The following CFAP20DC variants were observed in gnomAD, a reference collection of about 807,000 sequenced individuals.
CFAP20DC encodes the protein CFAP20 domain containing.
Under a neutral mutation model 101.7 loss-of-function variants are expected in CFAP20DC, and 84 were observed. That is an observed-to-expected ratio of 0.83 (90% CI 0.69 to 0.99). The LOEUF is 0.99. Ranked by LOEUF, CFAP20DC falls within the 50% of genes least tolerant of loss-of-function variation. The probability of loss-of-function intolerance (pLI) is 0.00; values close to 1 mark genes in which losing one functional copy is unlikely to be tolerated. For synonymous variants in CFAP20DC, 359 were observed against 351.2 expected (o/e 1.02, Z -0.25); for missense variants, 1,007 against 970.3 (o/e 1.04, Z -0.50).
chr3:58,898,094 C>T (rs1292345971), intron 6 of CFAP20DC, among the ~76,000 whole-genome samples: 1 of 151,472 alleles, frequency 6.6e-6, no homozygotes, highest in African/African-American at 2.4e-5. Flanking sequence ...TCCCTCTATT[C>T]TTGTCTGCCT....
chr3:58,782,311 C>T (rs2071905763), intron 15 of CFAP20DC, among the ~76,000 whole-genome samples: 2 of 151,930 alleles, frequency 1.3e-5, no homozygotes, highest in African/African-American at 4.8e-5. Context: ...ATATGACACA[C>T]CCAGAGCTAA....
chr3:58,879,005 C>T (rs2081010360), intron 7 of CFAP20DC, among the ~76,000 whole-genome samples: 4 of 149,584 alleles, frequency 2.7e-5, no homozygotes, highest in African/African-American at 9.9e-5. Flanking sequence ...GAGACTTCGT[C>T]TCCGAAAAAA....
rs1335585239 is a variant in CFAP20DC, at chr3:58,863,619, C to T, written c.1532G>A (p.Ser511Asn). The T allele has an allele frequency of 1.2e-6, 2 of 1,614,090 alleles. No individual in the cohort carries two copies. The change falls in exon 12 of 17, where the codon AGT becomes AAT. Residue 511 changes from serine to asparagine, a missense_variant. By Grantham distance (46) the Ser-to-Asn change is conservative. Transcript: ENST00000482387. This position sits in a 1 kb window ranked among gnomAD's most constrained non-coding sequence, Gnocchi z 5.9. ...SFILDLKEDN[S>N]VTSRDTQSED... Reference sequence around the variant, plus strand: ...TGATTGGGTGTCTCTGCTTGTCACACTGTTATCCTCTTTTAGATCCAAAAT... The same window carrying T: ...TGATTGGGTGTCTCTGCTTGTCACATTGTTATCCTCTTTTAGATCCAAAAT...
At chr3:58,940,479 T>C (rs1036874314) in intron 4 of CFAP20DC, among the ~76,000 whole-genome samples, 10 of 152,236 alleles carry the variant, frequency 6.6e-5, no homozygotes, top group African/African-American at 2.4e-4. Context: ...GTTGGAGTTC[T>C]TTTCTTTCTG....
In CFAP20DC at chr3:58,931,100, C is replaced by T. The variant is rs559974612; in HGVS notation, c.393+6548G>A. Reference sequence around the variant, plus strand: ...CGCTTTTCCGATGGGGCTTAAAAAACGGCGCACCAGGAGATTATATCACAC... The same window carrying T: ...CGCTTTTCCGATGGGGCTTAAAAAATGGCGCACCAGGAGATTATATCACAC... On this transcript the variant is annotated intron_variant, in intron 5 of 16. Coordinates refer to ENST00000482387, the MANE Select transcript of CFAP20DC (RefSeq NM_001394063.1). 7.2e-3 allele frequency among the ~76,000 whole-genome samples: 1,098 copies of T among 152,154 alleles called. 17 individuals are homozygous for T. Among genetic ancestry groups the T allele is most frequent in the African/African-American group, 0.024 (1,006 of 41,450 alleles).
chr3:58,840,916 G>A (rs1055404166), intron 13 of CFAP20DC, among the ~76,000 whole-genome samples: 1 of 152,244 alleles, frequency 6.6e-6, no homozygotes, highest in Non-Finnish European at 1.5e-5. Flanking sequence ...AAAGAACAAA[G>A]CCAGGACTCA....
intron 13 of CFAP20DC, 24 bp from the exon 14 acceptor site, chr3:58,831,913 CA>C: frequency 1.2e-6 from 2 of 1,605,412 alleles, no homozygotes; most frequent in South Asian, 2.2e-5. Context: ...AGGAAAATAA[CA>C]AAGGGTCATT....
rs1316289220 is a variant in CFAP20DC at position 58,866,623 on chromosome 3, G to A, written c.1201C>T (p.Gln401Ter). Reference protein sequence around the residue: ...ASTILTTVSQQGAELLNSGTL... With the variant: ...ASTILTTVSQ ...CCGGAGTTCAACAGCTCTGCTCCTTGTTGGGACACAGTGGTGAGGATAGTT... is the reference window on the plus strand; with the variant it reads ...CCGGAGTTCAACAGCTCTGCTCCTTATTGGGACACAGTGGTGAGGATAGTT... The change falls in exon 11 of 17, where the codon CAA becomes TAA. Residue 401 changes from glutamine to a stop codon, truncating the protein, a stop_gained. Transcript: ENST00000482387. LOFTEE classifies it high-confidence loss of function. The A allele has an allele frequency of 6.2e-7, 1 of 1,610,492 alleles. No homozygotes were observed. Among genetic ancestry groups the A allele is most frequent in the African/African-American group, 1.3e-5 (1 of 74,820 alleles).
At chr3:58,902,063 TC>T (rs1179049335) in intron 6 of CFAP20DC, among the ~76,000 whole-genome samples, 1 of 152,226 alleles carries the variant, frequency 6.6e-6, no homozygotes, top group Non-Finnish European at 1.5e-5. Flanking sequence ...TTTTGGAGGT[TC>T]CTCCACATTG....
At chr3:58,948,100 T>C (rs936078791) in intron 4 of CFAP20DC, among the ~76,000 whole-genome samples, 3 of 152,184 alleles carry the variant, frequency 2.0e-5, no homozygotes, top group African/African-American at 7.2e-5. Context: ...TGCACTAACT[T>C]GCACCAAACT....
In CFAP20DC at chr3:58,718,583, G is replaced by A. The variant is rs541645782; in HGVS notation, c.198-955C>T. Among the ~76,000 whole-genome samples the A allele has an allele frequency of 1.8e-3, 275 of 152,228 alleles. 2 individuals are homozygous for A. The highest frequency in any genetic ancestry group is 4.2e-3 in the Admixed American group (64 of 15,298). On this transcript the variant is annotated intron_variant, in intron 3 of 3. Transcript: ENST00000486145. ...GAGGTTGACAAGCCCCTTGTCCTGC[G>A]GGCACTGCCAATCTGCCTAAGGCAC...
At chr3:58,773,683 T>C (rs1346117520) in intron 15 of CFAP20DC, among the ~76,000 whole-genome samples, 1 of 152,266 alleles carries the variant, frequency 6.6e-6, no homozygotes, top group African/African-American at 2.4e-5. Context: ...AGTTACTTTA[T>C]CTAATGCTAT....
rs2073474196 is a variant in CFAP20DC at position 58,799,100 on chromosome 3, A to G, written c.2237+7295T>C. Among the ~76,000 whole-genome samples the G allele has an allele frequency of 6.6e-6, 1 of 152,008 alleles. No homozygotes were observed. Among genetic ancestry groups the G allele is most frequent in the Non-Finnish European group, 1.5e-5 (1 of 67,988 alleles). On this transcript the variant is annotated intron_variant, in intron 15 of 16. Coordinates refer to ENST00000482387, the MANE Select transcript of CFAP20DC (RefSeq NM_001394063.1). The surrounding 1 kb of genome is among the most constrained non-coding windows in gnomAD (Gnocchi z 4.9). ...TGTATATATGTATGTGTATGCATAT[A>G]AATAATGGTTTTTTTTTTCTATTTG...
chr3:59,020,195 T>C (rs910939497), intron 4 of CFAP20DC, among the ~76,000 whole-genome samples: 1 of 152,190 alleles, frequency 6.6e-6, no homozygotes, highest in East Asian at 1.9e-4. Context: ...TCAGTGTTAA[T>C]TTCCAACATG....
Position 58,799,763 on chromosome 3 carries a change from G to T in CFAP20DC, c.2237+6632C>A, listed in dbSNP as rs1236770406. On this transcript the variant is annotated intron_variant, in intron 15 of 16. Coordinates refer to ENST00000482387, the MANE Select transcript of CFAP20DC (RefSeq NM_001394063.1). The surrounding 1 kb of genome is among the most constrained non-coding windows in gnomAD (Gnocchi z 4.9). ...TGTGTGTGTGTGTGTGTGTGTGTGT[G>T]TGTGTAGAAAACAGACAAACAAGGA... 6.7e-6 allele frequency among the ~76,000 whole-genome samples: 1 copy of T among 148,232 alleles called. No individual in the cohort carries two copies. The highest frequency in any genetic ancestry group is 1.5e-5 in the Non-Finnish European group (1 of 67,512).
chr3:58,959,034 G>A (rs1366543991), intron 4 of CFAP20DC, among the ~76,000 whole-genome samples: 1 of 151,884 alleles, frequency 6.6e-6, no homozygotes, highest in Non-Finnish European at 1.5e-5. Context: ...CACTAACCCA[G>A]GGTCATAAAT....
chr3:58,852,710 T>C, intron 12 of CFAP20DC, among the ~76,000 whole-genome samples: 1 of 150,764 alleles, frequency 6.6e-6, no homozygotes, highest in African/African-American at 2.5e-5. Flanking sequence ...ACATGGAAAC[T>C]GAACAACCTG....
In CFAP20DC at chr3:58,854,635, G is replaced by C. The variant is rs544925302; in HGVS notation, c.1594-5226C>G. Among the ~76,000 whole-genome samples, 686 of 152,160 alleles carry C rather than the reference G, an allele frequency of 4.5e-3. 5 individuals are homozygous for C. Among genetic ancestry groups the C allele is most frequent in the African/African-American group, 0.016 (647 of 41,528 alleles). ...ACAGCATGGTACTGGTACCAAAACAGAGATATAGATCAATGGAACAGAATA... is the reference window on the plus strand; with the variant it reads ...ACAGCATGGTACTGGTACCAAAACACAGATATAGATCAATGGAACAGAATA... On this transcript the variant is annotated intron_variant, in intron 12 of 16. Transcript: ENST00000482387.
chr3:58,999,529 A>G (rs1417762567), intron 4 of CFAP20DC, among the ~76,000 whole-genome samples: 1 of 152,180 alleles, frequency 6.6e-6, no homozygotes, highest in Non-Finnish European at 1.5e-5. Context: ...AGCCTGGGAC[A>G]ACTAATACCA....
Sources: allele counts gnomAD v4.1 joint callset (sites outside exome capture counted in the v4.1 genomes callset), GRCh38; gene constraint gnomAD v4.1.1; non-coding constraint Gnocchi (gnomAD v3.1); transcripts MANE v1.5; gene names NCBI Gene and HGNC (gene_info 2026-07-23, HGNC 2026-07-21).